The following WBP2NL variants were observed in gnomAD, a reference collection of about 807,000 sequenced individuals.
The protein encoded by WBP2NL is postacrosomal sheath WW domain-binding protein.
A neutral mutation model predicts 23.3 loss-of-function variants in WBP2NL; 27 were observed. That is an observed-to-expected ratio of 1.16 (90% CI 0.85 to 1.60). The LOEUF is 1.60. Ranked by LOEUF, WBP2NL falls within the 40% of genes most tolerant of loss-of-function variation. WBP2NL has a pLI of 0.00. For synonymous variants in WBP2NL, 151 were observed against 145.9 expected (o/e 1.03, Z -0.25); for missense variants, 370 against 389.5 (o/e 0.95, Z 0.42).
At chr22:42,013,533 G>A (rs1923030037) in intron 1 of WBP2NL, among the ~76,000 whole-genome samples, 1 of 152,160 alleles carries the variant, frequency 6.6e-6, no homozygotes, top group Admixed American at 6.5e-5. Context: ...TGTCAGTGTG[G>A]AACTGAGTTT....
intron 1 of WBP2NL, chr22:42,002,020 T>C (rs1361148880): frequency 2.3e-5 from 15 of 646,798 alleles, no homozygotes; most frequent in Non-Finnish European, 3.4e-5. Flanking sequence ...GAATCGGCTT[T>C]GACTCCGGGG....
At chr22:42,049,417 A>G (rs990406225) in intron 8 of WBP2NL, among the ~76,000 whole-genome samples, 11 of 152,182 alleles carry the variant, frequency 7.2e-5, no homozygotes, top group African/African-American at 1.9e-4. Flanking sequence ...GAGGCCGGGC[A>G]CGGTGGCTCA....
intron 1 of WBP2NL, among the ~76,000 whole-genome samples, chr22:42,017,701 A>G (rs1323766211): frequency 6.6e-6 from 1 of 152,172 alleles, no homozygotes; most frequent in African/African-American, 2.4e-5. Context: ...CATTGGTTAC[A>G]TATATCATTA....
intron 1 of WBP2NL, among the ~76,000 whole-genome samples, chr22:42,017,422 A>G (rs1030816508): frequency 1.3e-5 from 2 of 152,188 alleles, no homozygotes; most frequent in East Asian, 1.9e-4. Flanking sequence ...AATACTACCC[A>G]TCTCTTAATC....
At chr22:42,003,430 T>C (rs1311595563) in intron 1 of WBP2NL, 2 of 152,332 alleles carry the variant, frequency 1.3e-5, no homozygotes, top group Admixed American at 1.3e-4. Context: ...CCAACCTGTG[T>C]GCCTGACATG....
rs1176800263 is a variant in WBP2NL, at chr22:42,019,401, G to T, written c.153G>T (p.Leu51Phe). The T allele has an allele frequency of 6.2e-7, 1 of 1,613,910 alleles. No homozygotes were observed. Among genetic ancestry groups the T allele is most frequent in the Non-Finnish European group, 8.5e-7 (1 of 1,179,960 alleles). ...TTAGTGGTAGAAAGACAGGAACATT[G>T]TTTCTCACTTCATACCGGGTAATTT... ...NVFSGRKTGT[L>F]FLTSYRVIFI... Residue 51 changes from leucine (L) to phenylalanine (F), a missense_variant, in exon 2 of 6, where the codon TTG (leucine) becomes TTT (phenylalanine). By Grantham distance (22) the Leu-to-Phe change is conservative. Transcript: ENST00000328823.
In WBP2NL at chr22:42,027,244, G is replaced by A. The variant is rs9754485; in HGVS notation, c.*63G>A. Reference sequence around the variant, plus strand: ...AGAGGTACCCTAAAATTGAAGTCAGGATAAGGAGGACGACTCAGGTATGTG... The same window carrying A: ...AGAGGTACCCTAAAATTGAAGTCAGAATAAGGAGGACGACTCAGGTATGTG... On this transcript the variant is annotated 3_prime_UTR_variant, in exon 6 of 6. Coordinates refer to ENST00000328823, the MANE Select transcript of WBP2NL (RefSeq NM_152613.3). The A allele has an allele frequency of 9.4e-3, 14,391 of 1,530,442 alleles. 93 individuals are homozygous for A. Among genetic ancestry groups the A allele is most frequent in the Non-Finnish European group, 0.01 (11,691 of 1,142,396 alleles). The allele number at this position is 1,530,442 out of a possible 1,614,324, so 94.8% of individuals were successfully genotyped here.
intron 5 of WBP2NL, among the ~76,000 whole-genome samples, chr22:42,022,778 C>A (rs1924094780): frequency 6.6e-6 from 1 of 152,192 alleles, no homozygotes; most frequent in Non-Finnish European, 1.5e-5. Context: ...TCCACTGCTA[C>A]TGAATGGGGT....
At chr22:42,016,077 G>T (rs996096231) in intron 1 of WBP2NL, among the ~76,000 whole-genome samples, 2 of 151,806 alleles carry the variant, frequency 1.3e-5, no homozygotes, top group African/African-American at 4.8e-5. Flanking sequence ...TGCCTCCCGG[G>T]TTCAAGCAAT....
chr22:42,027,281 C>G lies in WBP2NL; in HGVS notation c.*100C>G, dbSNP rs755336278. The G allele has an allele frequency of 6.5e-5, 93 of 1,432,874 alleles. No individual in the cohort carries two copies. Among genetic ancestry groups the G allele is most frequent in the Non-Finnish European group, 7.7e-5 (83 of 1,080,096 alleles). 88.8% of individuals were successfully genotyped at this position (1,432,874 alleles called of 1,614,324 possible). ...GACTCAGGTATGTGATCACAGGCTTCTCGCAGGTAGTTGTTCCACCCTTTG... is the reference window on the plus strand; with the variant it reads ...GACTCAGGTATGTGATCACAGGCTTGTCGCAGGTAGTTGTTCCACCCTTTG... On this transcript the variant is annotated 3_prime_UTR_variant, in exon 6 of 6. Transcript: ENST00000328823.
intron 8 of WBP2NL, among the ~76,000 whole-genome samples, chr22:42,039,348 T>A (rs890852237): frequency 1.5e-5 from 2 of 131,238 alleles, no homozygotes. Flanking sequence ...AGTGCTGGGA[T>A]TACAGGCTTT....
intron 5 of WBP2NL, among the ~76,000 whole-genome samples, chr22:42,024,533 T>C (rs111339290): frequency 0.051 from 7,715 of 152,188 alleles, 682 homozygotes; most frequent in African/African-American, 0.18. Context: ...TTAAAGCCAT[T>C]CTAGTGGGTA....
At chr22:42,044,977 AT>A (rs1044949395) in intron 8 of WBP2NL, among the ~76,000 whole-genome samples, 4 of 150,824 alleles carry the variant, frequency 2.7e-5, no homozygotes, top group East Asian at 2.0e-4. Context: ...CACCTGGCTA[AT>A]TTTTTTTTCT....
intron 8 of WBP2NL, among the ~76,000 whole-genome samples, chr22:42,042,556 T>C (rs1925435207): frequency 6.6e-6 from 1 of 152,222 alleles, no homozygotes; most frequent in Admixed American, 6.5e-5. Flanking sequence ...TGTATTCTTT[T>C]CCTGATTTCA....
chr22:42,001,252 C>G lies in WBP2NL; in HGVS notation c.62+2372C>G, dbSNP rs548146919. On this transcript the variant is annotated intron_variant, in intron 1 of 5. Transcript: ENST00000328823. ...TTCCTTTGCATCCTGACTGCATCATCATGTAGCAGCAAATGGTGTTAAATG... is the reference window on the plus strand; with the variant it reads ...TTCCTTTGCATCCTGACTGCATCATGATGTAGCAGCAAATGGTGTTAAATG... The G allele has an allele frequency of 4.3e-6, 3 of 691,894 alleles. No individual in the cohort carries two copies. The African/African-American group carries it at 5.3e-5, about 12-fold the overall frequency. The allele number at this position is 691,894 out of a possible 1,614,324, so 42.9% of individuals were successfully genotyped here.
intron 8 of WBP2NL, among the ~76,000 whole-genome samples, chr22:42,043,607 AG>A (rs759040855): frequency 6.6e-6 from 1 of 152,216 alleles, no homozygotes; most frequent in Non-Finnish European, 1.5e-5. Flanking sequence ...CATGGAGGGA[AG>A]GGCCAGCAAC....
intron 8 of WBP2NL, among the ~76,000 whole-genome samples, chr22:42,050,755 C>A (rs1358987060): frequency 1.3e-5 from 2 of 152,088 alleles, no homozygotes; most frequent in Non-Finnish European, 2.9e-5. Flanking sequence ...TTAGAAGATG[C>A]TGAACATCAT....
At chr22:42,011,316 T>C (rs1241256447) in intron 1 of WBP2NL, among the ~76,000 whole-genome samples, 1 of 152,132 alleles carries the variant, frequency 6.6e-6, no homozygotes, top group Non-Finnish European at 1.5e-5. Flanking sequence ...TGATGTGACA[T>C]GATCACAGCT....
intron 1 of WBP2NL, chr22:42,001,184 A>G (rs1010043929): frequency 1.3e-6 from 1 of 775,838 alleles, no homozygotes; most frequent in Non-Finnish European, 2.3e-6. Flanking sequence ...ATCATGAGTA[A>G]TCTTCCTCCA....
Sources: gnomAD v4.1 joint callset for allele counts (sites outside exome capture counted in the v4.1 genomes callset) on GRCh38, gnomAD v4.1.1 for gene constraint, MANE v1.5 for transcripts, NCBI Gene and HGNC (gene_info 2026-07-23, HGNC 2026-07-21) for gene names.